The following COL4A1 variants were observed in gnomAD, a reference collection of about 807,000 sequenced individuals.
COL4A1 encodes collagen alpha-1(IV) chain.
COL4A1 carries 40 observed loss-of-function variants against 216.6 expected under a neutral mutation model. The observed-to-expected ratio is 0.18, with a 90% CI of 0.14 to 0.24. The LOEUF is 0.24. COL4A1 is among the 10% of genes least tolerant of loss of function. The pLI, the probability that COL4A1 is intolerant of heterozygous loss-of-function variation, is 1.00. For synonymous variants in COL4A1, 839 were observed against 810.7 expected (o/e 1.03, Z -0.59); for missense variants, 1,628 against 2,196.8 (o/e 0.74, Z 5.18).
In COL4A1 at chr13:110,242,718, G is replaced by A. The variant is rs1881620817; in HGVS notation, c.101C>T (p.Ser34Phe). Residue 34 changes from serine (S) to phenylalanine (F), a missense_variant, in exon 2 of 52, where the codon TCT becomes TTT. Physicochemically the swap from Ser to Phe is radical, Grantham distance 155. Around this residue, in one of 8 missense-constraint regions of COL4A1, gnomAD observed 74 missense variants for 61.7 expected, o/e 1.20. Transcript: ENST00000375820. ...ATGGCAGTCACATTTGCCACAGCCA[G>A]AGCCAGCACAGCCACCCTGGAAGGA... is the stretch of plus-strand genomic sequence containing the variant. The part of the protein sequence containing the change: ...RAAAKGGCAG[S>F]GCGKCDCHGV... 6.2e-7 allele frequency: 1 copy of A among 1,614,204 alleles called. No homozygotes were observed. Among genetic ancestry groups the A allele is most frequent in the Non-Finnish European group, 8.5e-7 (1 of 1,180,038 alleles).
At chr13:110,198,078 G>GGTGGGTGTGT (rs1878988209) in intron 21 of COL4A1, among the ~76,000 whole-genome samples, 2 of 141,842 alleles carry the variant, frequency 1.4e-5, no homozygotes, top group Non-Finnish European at 3.0e-5. Context: ...TTGTTTCTGG[G>GGTGGGTGTGT]GTGTGTGTGT....
At chr13:110,181,451 C>T in intron 28 of COL4A1, 62 bp from the exon 29 acceptor site, 1 of 1,448,220 alleles carries the variant, frequency 6.9e-7, no homozygotes, top group Non-Finnish European at 9.5e-7. Flanking sequence ...AATGCCGTTC[C>T]CCACTTTCTT....
chr13:110,191,627 C>A (rs1878630768), intron 24 of COL4A1: 1 of 688,046 alleles, frequency 1.5e-6, no homozygotes, highest in African/African-American at 1.8e-5. Context: ...CCGGATATTT[C>A]ATTTATGGAT....
chr13:110,198,281 C>T (rs377121646), intron 21 of COL4A1, among the ~76,000 whole-genome samples, 186 bp downstream of exon 21: 31 of 152,274 alleles, frequency 2.0e-4, no homozygotes, highest in African/African-American at 6.0e-4. Flanking sequence ...GAAATTTTAA[C>T]TATTGCTTTT....
chr13:110,187,464 T>C (rs1252789648), intron 24 of COL4A1, 135 bp from the exon 25 acceptor site: 10 of 1,002,398 alleles, frequency 1.0e-5, no homozygotes, highest in Admixed American at 4.2e-5. Flanking sequence ...TCATCATTGA[T>C]TTTCTAGATG....
intron 2 of COL4A1, among the ~76,000 whole-genome samples, chr13:110,218,633 C>T (rs1045057900): frequency 1.6e-4 from 25 of 152,244 alleles, no homozygotes; most frequent in African/African-American, 5.5e-4. Flanking sequence ...CATACGAATC[C>T]TAAAAACTTT....
Position 110,207,327 on chromosome 13 carries a change from G to C in COL4A1, c.780+76C>G. 1 of 1,284,504 alleles carries C rather than the reference G, an allele frequency of 7.8e-7. No individual in the cohort carries two copies. Among genetic ancestry groups the C allele is most frequent in the Middle Eastern group, 1.8e-4 (1 of 5,436 alleles). 79.6% of individuals were successfully genotyped at this position (1,284,504 alleles called of 1,614,324 possible). ...AATGTAGCTGGAAAAACTGAGTTTT[G>C]ACCCATTTTCTCTTTATCTTTTGGA... On this transcript the variant is annotated intron_variant, in intron 13 of 51. Coordinates refer to ENST00000375820, the MANE Select transcript of COL4A1 (RefSeq NM_001845.6). This position sits in a 1 kb window ranked among gnomAD's most constrained non-coding sequence, Gnocchi z 4.4.
At position 110,290,834 on chromosome 13, in the gene COL4A1, G is replaced by A. The variant is rs186659282; in HGVS notation, c.84+16110C>T. 1.9e-3 allele frequency among the ~76,000 whole-genome samples: 290 copies of A among 152,308 alleles called. 1 individual carries two copies. The highest frequency in any genetic ancestry group is 3.8e-4 in the Non-Finnish European group (26 of 68,034). ...TTTGGACCAGCCCACTTTTTAAAAC[G>A]TGGGTGTCACTTTTGGGTCTATCCT... On this transcript the variant is annotated intron_variant, in intron 1 of 51. Coordinates refer to ENST00000375820, the MANE Select transcript of COL4A1 (RefSeq NM_001845.6).
intron 1 of COL4A1, among the ~76,000 whole-genome samples, chr13:110,290,432 T>C (rs1413506059): frequency 6.6e-6 from 1 of 152,240 alleles, no homozygotes; most frequent in African/African-American, 2.4e-5. Flanking sequence ...TCAGTACATC[T>C]AATGACCACC....
At position 110,208,835 on chromosome 13, in the gene COL4A1, C is replaced by A. The variant is rs1308022531; in HGVS notation, c.693+14G>T. The stretch of plus-strand genomic sequence containing the variant: ...TTTTCAACATGAAAGCACTCCAGAG[C>A]AATATGCACTCACCTTGTCACCTTT... On this transcript the variant is annotated intron_variant, in intron 12 of 51. Coordinates refer to ENST00000375820, the MANE Select transcript of COL4A1 (RefSeq NM_001845.6). 1.9e-6 allele frequency: 3 copies of A among 1,613,978 alleles called. No homozygotes were observed. The highest frequency in any genetic ancestry group is 2.2e-5 in the East Asian group (1 of 44,884).
chr13:110,200,663 G>A (rs143590201), intron 20 of COL4A1, among the ~76,000 whole-genome samples, 191 bp downstream of exon 20: 1 of 152,220 alleles, frequency 6.6e-6, no homozygotes, highest in African/African-American at 2.4e-5. Context: ...ATGCTAAGTG[G>A]TCACTTACAA....
chr13:110,233,329 G>C (rs78863335), intron 2 of COL4A1, among the ~76,000 whole-genome samples: 1 of 151,994 alleles, frequency 6.6e-6, no homozygotes, highest in African/African-American at 2.4e-5. Context: ...CATTGCAAAC[G>C]CCAGACAAAA....
chr13:110,259,704 T>C (rs1882737826), intron 1 of COL4A1, among the ~76,000 whole-genome samples: 1 of 152,228 alleles, frequency 6.6e-6, no homozygotes, highest in Admixed American at 6.5e-5. Flanking sequence ...CATGGTAAAA[T>C]ATTCTAATTT....
chr13:110,247,091 T>G (rs1469867513), intron 1 of COL4A1, among the ~76,000 whole-genome samples: 8 of 152,146 alleles, frequency 5.3e-5, no homozygotes, highest in Non-Finnish European at 1.2e-4. Context: ...GGGGGTGAAT[T>G]TATTATTTAT....
At chr13:110,265,480 C>G (rs1473943874) in intron 1 of COL4A1, 1 of 152,254 alleles carries the variant, frequency 6.6e-6, no homozygotes, top group Non-Finnish European at 1.5e-5. Context: ...GGAGAGACGA[C>G]ACATGTGCTT....
chr13:110,229,284 T>C (rs926524883), intron 2 of COL4A1, among the ~76,000 whole-genome samples: 5 of 152,174 alleles, frequency 3.3e-5, no homozygotes, highest in African/African-American at 1.2e-4. Flanking sequence ...CAGTAGAGTG[T>C]TGAAGTACCT....
chr13:110,208,919 T>C (rs1438549548), intron 11 of COL4A1, 29 bp from the exon 12 acceptor site: 1 of 1,611,196 alleles, frequency 6.2e-7, no homozygotes, highest in Non-Finnish European at 8.5e-7. Context: ...GCTCTCATTA[T>C]TAGATTTGTC....
Position 110,179,318 on chromosome 13 carries a change from G to A in COL4A1, c.2297C>T (p.Pro766Leu), listed in dbSNP as rs866007873. The change falls in exon 30 of 52, where the codon CCT becomes CTT. Residue 766 changes from proline (P) to leucine (L), a missense_variant. Around this residue, in one of 8 missense-constraint regions of COL4A1, gnomAD observed 701 missense variants for 892.5 expected, o/e 0.79. Transcript: ENST00000375820. ...GGGTCCGATCGCTCCATGTTCTCCA[G>A]GAACGCCTGGTACCCCAATGCTCCC... is the stretch of plus-strand genomic sequence containing the variant. ...EKGSIGVPGV[P>L]GEHGAIGPPG... 2.5e-6 allele frequency: 4 copies of A among 1,613,964 alleles called. No homozygotes were observed. In the East Asian group the frequency reaches 8.9e-5, roughly 36 times the overall value.
chr13:110,176,694 G>A lies in COL4A1; in HGVS notation c.2900C>T (p.Ser967Phe). Residue 967 changes from serine (S) to phenylalanine (F), a missense_variant, in exon 35 of 52, where the codon TCC (serine) becomes TTC (phenylalanine). Coordinates refer to ENST00000375820, the MANE Select transcript of COL4A1 (RefSeq NM_001845.6). Reference protein sequence around the residue: ...GQIGPIGEKGSRGDPGTPGVP... With the variant: ...GQIGPIGEKGFRGDPGTPGVP... ...TCCTGGGGTCCCAGGGTCTCCTCGG[G>A]ATCCCTTCTCACCAATTGGTCCAAT... 1 of 1,614,180 alleles carries A rather than the reference G, an allele frequency of 6.2e-7. No individual in the cohort carries two copies. Among genetic ancestry groups the A allele is most frequent in the Non-Finnish European group, 8.5e-7 (1 of 1,180,040 alleles).
Sources: gnomAD v4.1 joint callset for allele counts (sites outside exome capture counted in the v4.1 genomes callset) on GRCh38, gnomAD v4.1.1 for gene constraint, gnomAD v4.1.1 regional missense constraint, Gnocchi (gnomAD v3.1) non-coding constraint, MANE v1.5 for transcripts, NCBI Gene and HGNC (gene_info 2026-07-23, HGNC 2026-07-21) for gene names.